The following C9orf153 variants were observed in gnomAD, a reference collection of about 807,000 sequenced individuals.
C9orf153 encodes the protein chromosome 9 open reading frame 153, also known as uncharacterized protein C9orf153.
In C9orf153, 10 loss-of-function variants were observed where a neutral mutation model predicts 9.0. That is an observed-to-expected ratio of 1.11 (90% CI 0.69 to 1.89). C9orf153 has a LOEUF of 1.89. Among genes scored for constraint, C9orf153 ranks in the 40% most tolerant of loss-of-function variants. C9orf153 has a pLI of 0.00. For synonymous variants in C9orf153, 35 were observed against 37.3 expected (o/e 0.94, Z 0.23); for missense variants, 108 against 111.0 (o/e 0.97, Z 0.12).
At chr9:86,250,000 G>A (rs1018890658) in intron 1 of C9orf153, among the ~76,000 whole-genome samples, 7 of 152,128 alleles carry the variant, frequency 4.6e-5, no homozygotes, top group Admixed American at 6.6e-5. Context: ...TTATACGTTC[G>A]TCTTCTTGGG....
chr9:86,226,855 C>G (rs1330849645), intron 3 of C9orf153, among the ~76,000 whole-genome samples: 4 of 152,262 alleles, frequency 2.6e-5, no homozygotes, highest in Admixed American at 2.6e-4. Flanking sequence ...ATCTCCACCT[C>G]CTGGGTTCAG....
At chr9:86,233,757 C>T (rs1824519992) in intron 1 of C9orf153, among the ~76,000 whole-genome samples, 1 of 152,154 alleles carries the variant, frequency 6.6e-6, no homozygotes, top group Non-Finnish European at 1.5e-5. Context: ...AGACTATTCA[C>T]AATCTGCTTC....
intron 1 of C9orf153, among the ~76,000 whole-genome samples, chr9:86,230,489 C>T (rs113195155): frequency 1.3e-3 from 202 of 152,238 alleles, no homozygotes; most frequent in African/African-American, 4.7e-3. Flanking sequence ...TTAGTAGAGA[C>T]AGGGTTTCAC....
chr9:86,240,836 G>A (rs2131192550), intron 1 of C9orf153, among the ~76,000 whole-genome samples: 1 of 150,212 alleles, frequency 6.7e-6, no homozygotes, highest in South Asian at 2.1e-4. Flanking sequence ...AGCCTCCCGA[G>A]TAGCTAGGAC....
intron 1 of C9orf153, among the ~76,000 whole-genome samples, chr9:86,247,548 G>C (rs766588060): frequency 3.3e-5 from 5 of 152,010 alleles, no homozygotes; most frequent in Non-Finnish European, 5.9e-5. Context: ...CAGGCATAGT[G>C]GTGCACCTAT....
chr9:86,223,522 G>A (rs1349423322), intron 3 of C9orf153, among the ~76,000 whole-genome samples: 1 of 152,036 alleles, frequency 6.6e-6, no homozygotes, highest in African/African-American at 2.4e-5. Context: ...GACACTTTAG[G>A]TTGGCTTACT....
Position 86,221,413 on chromosome 9 carries a change from T to C in C9orf153, c.*275A>G. The C allele has an allele frequency of 1.9e-6, 1 of 531,770 alleles. No homozygotes were observed. Among genetic ancestry groups the C allele is most frequent in the Non-Finnish European group, 2.9e-6 (1 of 347,984 alleles). 32.9% of individuals were successfully genotyped at this position (531,770 alleles called of 1,614,324 possible). On this transcript the variant is annotated 3_prime_UTR_variant, in exon 4 of 4. Transcript: ENST00000339137. Reference sequence around the variant, plus strand: ...TACACACTCACTTCAGATGTTCTATTGGGTACTTGGCTTCTTTACTTTTTG... The same window carrying C: ...TACACACTCACTTCAGATGTTCTATCGGGTACTTGGCTTCTTTACTTTTTG...
At chr9:86,224,769 TAC>T (rs1824282068) in intron 3 of C9orf153, among the ~76,000 whole-genome samples, 1 of 63,820 alleles carries the variant, frequency 1.6e-5, no homozygotes, top group African/African-American at 7.6e-5. Flanking sequence ...CTACTAAAAA[TAC>T]AAAAAAAAAA....
At chr9:86,222,485 G>C (rs1363480488) in intron 3 of C9orf153, among the ~76,000 whole-genome samples, 1 of 152,132 alleles carries the variant, frequency 6.6e-6, no homozygotes, top group Non-Finnish European at 1.5e-5. Context: ...TAAGCCCTAA[G>C]TATAAAAGGG....
At chr9:86,258,051 A>G (rs1393496065) in intron 1 of C9orf153, among the ~76,000 whole-genome samples, 1 of 152,106 alleles carries the variant, frequency 6.6e-6, no homozygotes, top group East Asian at 1.9e-4. Context: ...TTTATTACTA[A>G]AATTTTTGTA....
intron 3 of C9orf153, among the ~76,000 whole-genome samples, chr9:86,225,407 CTCTCTCCTTCCT>C (rs1198011923): frequency 1.3e-3 from 74 of 58,926 alleles, no homozygotes; most frequent in African/African-American, 3.5e-3. Flanking sequence ...TTCTCTCTCT[CTCTCTCCTTCCT>C]TCCTTCCTTC....
chr9:86,228,455 C>A (rs571963433), intron 2 of C9orf153, among the ~76,000 whole-genome samples: 2 of 152,198 alleles, frequency 1.3e-5, no homozygotes, highest in African/African-American at 4.8e-5. Context: ...ACTTAGATAT[C>A]AGAGCTTCAT....
chr9:86,227,314 TTTTTA>T lies in C9orf153; in HGVS notation c.242+536_242+540del, dbSNP rs138074918. 11,501 of 1,446,706 alleles carry T rather than the reference TTTTTA, an allele frequency of 7.9e-3. 738 individuals carry two copies. The African/African-American group carries it at 0.14, about 18-fold the overall frequency. The allele number at this position is 1,446,706 out of a possible 1,614,324, so 89.6% of individuals were successfully genotyped here. On this transcript the variant is annotated intron_variant, in intron 3 of 3. Transcript: ENST00000339137. The stretch of plus-strand genomic sequence containing the variant: ...GGCACATGCCACCAAGCTCAGCTAA[TTTTTA>T]TTTATTTATTTATTTATTTATTTAT...
At chr9:86,248,641 G>GT (rs1824923094) in intron 1 of C9orf153, among the ~76,000 whole-genome samples, 1 of 152,016 alleles carries the variant, frequency 6.6e-6, no homozygotes. Flanking sequence ...TTTATTTATT[G>GT]TTTTTTGGTA....
At chr9:86,251,914 T>TACACACACACACACACAC (rs34620205) in intron 1 of C9orf153, among the ~76,000 whole-genome samples, 23,156 of 139,764 alleles carry the variant, frequency 0.17, 2,139 homozygotes, top group East Asian at 0.33. Context: ...TTAGGTAAAC[T>TACACACACACACACACAC]ACACACACAC....
At position 86,227,837 on chromosome 9, in the gene C9orf153, T is replaced by G; in HGVS notation, c.242+18A>C. 1 of 1,594,344 alleles carries G rather than the reference T, an allele frequency of 6.3e-7. No homozygotes were observed. Among genetic ancestry groups the G allele is most frequent in the Non-Finnish European group, 8.5e-7 (1 of 1,172,020 alleles). On this transcript the variant is annotated intron_variant, in intron 3 of 3. Coordinates refer to ENST00000339137, the MANE Select transcript of C9orf153 (RefSeq NM_001276366.4). ...CTCAATCATGGATGCTTGCTTCTCTTTTTTAACCACTGTGCACCTGATAAC... is the reference window on the plus strand; with the variant it reads ...CTCAATCATGGATGCTTGCTTCTCTGTTTTAACCACTGTGCACCTGATAAC...
intron 3 of C9orf153, among the ~76,000 whole-genome samples, chr9:86,226,922 G>A (rs1450209805): frequency 2.6e-5 from 4 of 151,952 alleles, no homozygotes; most frequent in Non-Finnish European, 5.9e-5. Context: ...CCACCACCAC[G>A]CCCAGCTAAT....
chr9:86,256,175 G>C (rs1825119523), intron 1 of C9orf153, among the ~76,000 whole-genome samples: 1 of 152,180 alleles, frequency 6.6e-6, no homozygotes, highest in African/African-American at 2.4e-5. Context: ...GCTTATGTAA[G>C]ATCATCATAC....
At chr9:86,239,433 GA>G (rs112976415) in intron 1 of C9orf153, among the ~76,000 whole-genome samples, 76 of 151,212 alleles carry the variant, frequency 5.0e-4, no homozygotes, top group African/African-American at 1.6e-3. Context: ...TCAGCAGAAA[GA>G]AAAAAAAAGA....
Sources: gnomAD v4.1 joint callset for allele counts (sites outside exome capture counted in the v4.1 genomes callset) on GRCh38, gnomAD v4.1.1 for gene constraint, MANE v1.5 for transcripts, NCBI Gene and HGNC (gene_info 2026-07-23, HGNC 2026-07-21) for gene names.